PARD3B: variants seen among roughly 807,000 people sequenced by gnomAD.
The protein encoded by PARD3B is partitioning defective 3 homolog B.
In PARD3B, 103 loss-of-function variants were observed where a neutral mutation model predicts 130.2. That is an observed-to-expected ratio of 0.79 (90% CI 0.67 to 0.93). The LOEUF (loss-of-function observed/expected upper bound fraction) is 0.93. PARD3B is among the 40% of genes least tolerant of loss of function. The pLI is 0.00. For synonymous variants in PARD3B, 583 were observed against 553.2 expected, an observed-to-expected ratio of 1.05 and a Z score of -0.76; for missense variants, 1,609 against 1,499.2, an observed-to-expected ratio of 1.07 and a Z score of -1.21.
chr2:205,317,870 G>C (rs532806449), intron 18 of PARD3B, among the ~76,000 whole-genome samples: 1 of 152,224 alleles, frequency 6.6e-6, no homozygotes, highest in African/African-American at 2.4e-5. Context: ...TTGAGCTGCT[G>C]TCTGTTCTCC....
intron 18 of PARD3B, among the ~76,000 whole-genome samples, chr2:205,323,337 C>T (rs1184445480): frequency 1.3e-5 from 2 of 152,158 alleles, no homozygotes; most frequent in Non-Finnish European, 2.9e-5. Context: ...AAGACAATGT[C>T]TAGAAAACAA....
intron 6 of PARD3B, among the ~76,000 whole-genome samples, chr2:205,117,926 C>CACACACACATACACACAT (rs2030070370): frequency 1.3e-5 from 2 of 152,188 alleles, no homozygotes; most frequent in Non-Finnish European, 2.9e-5. Context: ...TACACACACA[C>CACACACACATACACACAT]ACACACACAC....
chr2:204,602,762 A>C (rs1427169017), intron 1 of PARD3B, among the ~76,000 whole-genome samples: 1 of 152,062 alleles, frequency 6.6e-6, no homozygotes, highest in Non-Finnish European at 1.5e-5. Context: ...CATGGTTAGA[A>C]GATGGCATAT....
In PARD3B at chr2:205,301,688, G is replaced by A. The variant is rs764241724; in HGVS notation, c.2617G>A (p.Gly873Ser). 1.1e-5 allele frequency: 17 copies of A among 1,613,860 alleles called. No individual in the cohort carries two copies. Among genetic ancestry groups the A allele is most frequent in the South Asian group, 5.5e-5 (5 of 91,070 alleles). Residue 873 changes from glycine to serine, a missense_variant, in exon 18 of 23, where the codon GGC becomes AGC. Coordinates refer to ENST00000406610, the MANE Select transcript of PARD3B (RefSeq NM_001302769.2). This position sits in a 1 kb window ranked among gnomAD's most constrained non-coding sequence, Gnocchi z 5.2. ...AAGGAAAATAAAGAAGAAGGGCTTC[G>A]GCGCCATGCTGAGGTATGGGCCTGC... ...PERKIKKKGF[G>S]AMLRFGKKKE...
At chr2:205,561,331 G>A (rs3732091) in intron 22 of PARD3B, among the ~76,000 whole-genome samples, 83,286 of 151,976 alleles carry the variant, frequency 0.55, 23,599 homozygotes, top group Middle Eastern at 0.72. Context: ...AGTACTGGGC[G>A]TTGGCTGAAG....
Position 205,253,461 on chromosome 2 carries a change from A to G in PARD3B, c.2185+7639A>G. On this transcript the variant is annotated intron_variant, in intron 16 of 22. Transcript: ENST00000406610. The surrounding 1 kb of genome is among the most constrained non-coding windows in gnomAD (Gnocchi z 4.4). ...GAAGCCAGTATGGATCACCTTGTGG[A>G]TGGATGCAAAGAGACCAAACTTGGC... is the stretch of plus-strand genomic sequence containing the variant. The G allele has an allele frequency of 1.8e-6, 1 of 561,118 alleles. No homozygotes were observed. The highest frequency in any genetic ancestry group is 1.4e-5 in the South Asian group (1 of 72,682). 34.8% of individuals were successfully genotyped at this position (561,118 alleles called of 1,614,324 possible).
intron 21 of PARD3B, among the ~76,000 whole-genome samples, chr2:205,518,232 T>TAAGAACTTGCTTTATG (rs2050877638): frequency 6.6e-6 from 1 of 152,210 alleles, no homozygotes; most frequent in Non-Finnish European, 1.5e-5. Context: ...TGTAGGTCTC[T>TAAGAACTTGCTTTATG]AAGAACTTGC....
chr2:205,070,625 C>A (rs748134255), intron 4 of PARD3B, among the ~76,000 whole-genome samples: 1 of 152,074 alleles, frequency 6.6e-6, no homozygotes, highest in Non-Finnish European at 1.5e-5. Context: ...TATAGCAATA[C>A]TTCTTATGTA....
At chr2:204,867,977 A>T (rs2045490373) in intron 2 of PARD3B, among the ~76,000 whole-genome samples, 1 of 152,288 alleles carries the variant, frequency 6.6e-6, no homozygotes, top group Admixed American at 6.5e-5. Context: ...ATCCTTATGG[A>T]CTAGATCTCA....
chr2:205,376,262 A>C (rs545585902), intron 18 of PARD3B, among the ~76,000 whole-genome samples: 12 of 152,326 alleles, frequency 7.9e-5, no homozygotes, highest in African/African-American at 2.6e-4. Flanking sequence ...AAGCAGGCAG[A>C]GTCCACAAGC....
At chr2:204,629,850 C>G (rs1261492277) in intron 1 of PARD3B, among the ~76,000 whole-genome samples, 1 of 152,084 alleles carries the variant, frequency 6.6e-6, no homozygotes, top group Non-Finnish European at 1.5e-5. Flanking sequence ...TCCAATATTT[C>G]TTATAAAATT....
At chr2:205,305,740 T>C (rs2042163563) in intron 18 of PARD3B, among the ~76,000 whole-genome samples, 1 of 152,230 alleles carries the variant, frequency 6.6e-6, no homozygotes, top group African/African-American at 2.4e-5. Flanking sequence ...CTCAGTGTCT[T>C]CATCTGAAAC....
intron 1 of PARD3B, among the ~76,000 whole-genome samples, chr2:204,602,147 A>T (rs1239549813): frequency 3.9e-5 from 6 of 152,070 alleles, no homozygotes; most frequent in Non-Finnish European, 8.8e-5. Context: ...GAGCCTAAAT[A>T]TTCTGTTTTG....
intron 18 of PARD3B, among the ~76,000 whole-genome samples, chr2:205,395,499 C>T (rs1214218169): frequency 6.6e-6 from 1 of 152,162 alleles, no homozygotes; most frequent in Non-Finnish European, 1.5e-5. Context: ...TCCCCCAACC[C>T]CCACTCGTGT....
At chr2:204,647,933 A>G (rs2035330518) in intron 1 of PARD3B, among the ~76,000 whole-genome samples, 1 of 151,606 alleles carries the variant, frequency 6.6e-6, no homozygotes. Flanking sequence ...ATTTTGCCTT[A>G]TTTTGAGTAT....
At chr2:204,831,316 A>G in intron 2 of PARD3B, among the ~76,000 whole-genome samples, 1 of 152,228 alleles carries the variant, frequency 6.6e-6, no homozygotes, top group East Asian at 1.9e-4. Context: ...ATTGGAAAAG[A>G]AGTACAATTT....
chr2:204,798,265 G>A (rs1559153082), intron 2 of PARD3B, among the ~76,000 whole-genome samples: 1 of 152,112 alleles, frequency 6.6e-6, no homozygotes, highest in Non-Finnish European at 1.5e-5. Flanking sequence ...GTTCCTTTGG[G>A]ACTTGGCGTT....
At chr2:204,939,512 C>G (rs1402700132) in intron 2 of PARD3B, among the ~76,000 whole-genome samples, 1 of 152,132 alleles carries the variant, frequency 6.6e-6, no homozygotes, top group Non-Finnish European at 1.5e-5. Flanking sequence ...CAAGGAATAA[C>G]AGAGAAATGA....
rs113790552 is a variant in PARD3B at position 205,211,042 on chromosome 2, T to C, written c.2140+17722T>C. Among the ~76,000 whole-genome samples, 1,218 of 152,236 alleles carry C rather than the reference T, an allele frequency of 8.0e-3. 17 individuals are homozygous for C. Among genetic ancestry groups the C allele is most frequent in the African/African-American group, 0.014 (572 of 41,556 alleles). On this transcript the variant is annotated intron_variant, in intron 15 of 22. Transcript: ENST00000406610. The stretch of plus-strand genomic sequence containing the variant: ...GTCTTTCATTAAGTGTTCAGAAAAA[T>C]GTTTAACTAAACATGAGGCAGAGGC...
Sources: gnomAD v4.1 joint callset for allele counts (sites outside exome capture counted in the v4.1 genomes callset) on GRCh38, gnomAD v4.1.1 for gene constraint, Gnocchi (gnomAD v3.1) non-coding constraint, MANE v1.5 for transcripts, NCBI Gene and HGNC (gene_info 2026-07-23, HGNC 2026-07-21) for gene names.